The following FNTA variants were observed in gnomAD, a reference collection of about 807,000 sequenced individuals.
FNTA encodes the protein farnesyltransferase, CAAX box, subunit alpha.
A neutral mutation model predicts 55.2 loss-of-function variants in FNTA; 27 were observed. The ratio of observed to expected loss-of-function variants is 0.49; its 90% CI spans 0.36 to 0.67. The LOEUF is 0.67. Among genes scored for constraint, FNTA ranks in the 30% least tolerant of loss-of-function variants. FNTA has a pLI of 0.00. For synonymous variants in FNTA, 176 were observed against 170.7 expected (o/e 1.03, Z -0.24); for missense variants, 422 against 464.7 (o/e 0.91, Z 0.85).
chr8:43,064,301 T>C (rs1810604105), intron 3 of FNTA, 86 bp downstream of exon 3: 5 of 854,686 alleles, frequency 5.9e-6, no homozygotes, highest in Non-Finnish European at 9.5e-6. Context: ...TTTAATTTTT[T>C]TAAACTGTAC....
intron 6 of FNTA, 57 bp from the exon 7 acceptor site, chr8:43,083,061 C>T (rs1586662511): frequency 1.1e-6 from 1 of 952,366 alleles, no homozygotes; most frequent in African/African-American, 1.7e-5. Flanking sequence ...AAAAAAAAAA[C>T]TGTGTCTCAT....
chr8:43,075,900 G>T (rs558987453), intron 5 of FNTA, among the ~76,000 whole-genome samples: 6 of 151,228 alleles, frequency 4.0e-5, no homozygotes, highest in Non-Finnish European at 5.9e-5. Flanking sequence ...TTGGGACAGG[G>T]TCTGTTTCTG....
At chr8:43,081,947 A>G (rs1423645002) in intron 6 of FNTA, 1 of 152,238 alleles carries the variant, frequency 6.6e-6, no homozygotes, top group African/African-American at 2.4e-5. Flanking sequence ...CCAAAATGAA[A>G]TTAAGAATCT....
At chr8:43,060,157 T>C (rs1388634070) in intron 2 of FNTA, among the ~76,000 whole-genome samples, 2 of 152,152 alleles carry the variant, frequency 1.3e-5, no homozygotes, top group Non-Finnish European at 2.9e-5. Context: ...AATATATAAC[T>C]GCACGGAAAT....
chr8:43,071,141 T>TTA (rs1810780852), intron 4 of FNTA, among the ~76,000 whole-genome samples: 1 of 152,198 alleles, frequency 6.6e-6, no homozygotes, highest in Admixed American at 6.6e-5. Flanking sequence ...TAGTTGAATG[T>TTA]TATACTCTAA....
intron 7 of FNTA, among the ~76,000 whole-genome samples, chr8:43,084,413 G>C (rs1008599595): frequency 5.3e-5 from 8 of 151,824 alleles, no homozygotes; most frequent in African/African-American, 9.7e-5. Flanking sequence ...GTAGAGACGA[G>C]ATCTTGCTAT....
At chr8:43,056,591 C>T (rs909892674) in intron 1 of FNTA, 45 bp downstream of exon 1, 6 of 1,216,184 alleles carry the variant, frequency 4.9e-6, no homozygotes, top group East Asian at 3.2e-5. Context: ...TCCCTGGAGG[C>T]CCAGCGGCCC....
intron 7 of FNTA, chr8:43,084,484 A>C (rs1397755262): frequency 2.7e-6 from 1 of 376,024 alleles, no homozygotes; most frequent in Admixed American, 4.6e-5. Flanking sequence ...TGTTTCCCAG[A>C]GTGTTTCCCA....
chr8:43,072,351 C>G (rs939010737), intron 5 of FNTA, 44 bp downstream of exon 5: 1 of 1,400,768 alleles, frequency 7.1e-7, no homozygotes. Context: ...TTTTTTTTAA[C>G]TGAACTAAAT....
At chr8:43,056,887 G>A (rs1294119488) in intron 1 of FNTA, 3 of 153,260 alleles carry the variant, frequency 2.0e-5, no homozygotes, top group Admixed American at 6.5e-5. Context: ...CGGCTTCCCA[G>A]AACGCTGTGT....
At chr8:43,070,674 C>T (rs572943330) in intron 4 of FNTA, among the ~76,000 whole-genome samples, 1 of 152,328 alleles carries the variant, frequency 6.6e-6, no homozygotes, top group South Asian at 2.1e-4. Context: ...ATGGAAAGCC[C>T]AGCAGTTTTG....
Position 43,072,220 on chromosome 8 carries a change from A to T in FNTA, c.546A>T (p.Pro182=). ...RRVLVEWLRD[P]SQELEFIADI... Reference sequence around the variant, plus strand: ...TATTAGTGGAATGGCTAAGAGATCCATCTCAGGAGCTTGAATTTATTGCTG... The same window carrying T: ...TATTAGTGGAATGGCTAAGAGATCCTTCTCAGGAGCTTGAATTTATTGCTG... Residue 182 remains proline, a synonymous_variant, in exon 5 of 9, where the codon CCA becomes CCT. Coordinates refer to ENST00000302279, the MANE Select transcript of FNTA (RefSeq NM_002027.3). 6.3e-7 allele frequency: 1 copy of T among 1,588,882 alleles called. No homozygotes were observed. The highest frequency in any genetic ancestry group is 1.2e-5 in the South Asian group (1 of 86,708).
At chr8:43,082,938 C>A (rs761302994) in intron 6 of FNTA, 180 bp from the exon 7 acceptor site, 2 of 378,212 alleles carry the variant, frequency 5.3e-6, no homozygotes, top group South Asian at 6.5e-5. Context: ...CCCAGCTACT[C>A]GGGAGGCTGA....
intron 1 of FNTA, among the ~76,000 whole-genome samples, chr8:43,057,533 C>A (rs1468223170): frequency 6.6e-6 from 1 of 152,166 alleles, no homozygotes; most frequent in Non-Finnish European, 1.5e-5. Context: ...CTCCCCCAGG[C>A]TCTAGGTGTC....
intron 6 of FNTA, chr8:43,079,750 C>G (rs1563330482): frequency 6.6e-6 from 1 of 152,196 alleles, no homozygotes; most frequent in Non-Finnish European, 1.5e-5. Context: ...AATGAATCTG[C>G]AGAGTCAATT....
intron 7 of FNTA, among the ~76,000 whole-genome samples, 162 bp downstream of exon 7, chr8:43,083,342 A>T (rs916560908): frequency 6.6e-6 from 1 of 152,124 alleles, no homozygotes. Flanking sequence ...ACTCTCTGGG[A>T]GTTTGCCCTT....
At chr8:43,063,232 C>G (rs533439342) in intron 2 of FNTA, 1 of 455,328 alleles carries the variant, frequency 2.2e-6, no homozygotes, top group Non-Finnish European at 4.4e-6. Flanking sequence ...AGGCCTGGAT[C>G]ACCACGCCCG....
At chr8:43,058,728 G>A (rs1810467526) in intron 1 of FNTA, among the ~76,000 whole-genome samples, 1 of 152,144 alleles carries the variant, frequency 6.6e-6, no homozygotes, top group Non-Finnish European at 1.5e-5. Context: ...AGTGAGCCGA[G>A]ATGACACCAC....
At position 43,077,344 on chromosome 8, in the gene FNTA, T is replaced by C. The variant is rs1810935615; in HGVS notation, c.762T>C (p.Ala254=). Residue 254 remains alanine (A), a synonymous_variant, in exon 6 of 9, where the codon GCT becomes GCC. Coordinates refer to ENST00000302279, the MANE Select transcript of FNTA (RefSeq NM_002027.3). ...ISNTTGYNDR[A]VLEREVQYTL... ...ACACCACTGGCTACAATGATCGTGCTGTATTGGAGAGAGAAGTCCAGTTAG... is the reference window on the plus strand; with the variant it reads ...ACACCACTGGCTACAATGATCGTGCCGTATTGGAGAGAGAAGTCCAGTTAG... The C allele has an allele frequency of 1.2e-6, 2 of 1,610,798 alleles. No homozygotes were observed. Among genetic ancestry groups the C allele is most frequent in the South Asian group, 2.2e-5 (2 of 90,346 alleles).
Sources: allele counts gnomAD v4.1 joint callset (sites outside exome capture counted in the v4.1 genomes callset), GRCh38; gene constraint gnomAD v4.1.1; transcripts MANE v1.5; gene names NCBI Gene and HGNC (gene_info 2026-07-23, HGNC 2026-07-21).